LOC128462377: variants seen among roughly 807,000 people sequenced by gnomAD.
At chr16:89,351,741 C>T in the LOC128462377 span, among the ~76,000 whole-genome samples, 11 of 152,304 alleles carry the variant, frequency 7.2e-5, no homozygotes, top group East Asian at 2.1e-3. Flanking sequence ...GCAGAGGCTG[C>T]AGGGGGAACA....
At chr16:89,335,645 A>G in the LOC128462377 span, among the ~76,000 whole-genome samples, 2 of 152,204 alleles carry the variant, frequency 1.3e-5, no homozygotes, top group Non-Finnish European at 2.9e-5. Flanking sequence ...CTGAGGTAAG[A>G]TGACAAGTCT....
the LOC128462377 span, among the ~76,000 whole-genome samples, chr16:89,397,440 C>G: frequency 1.3e-5 from 2 of 152,378 alleles, no homozygotes; most frequent in African/African-American, 4.8e-5. Context: ...CCGTACCACT[C>G]CCTGCCAGCC....
At chr16:89,358,212 C>T in the LOC128462377 span, among the ~76,000 whole-genome samples, 1,224 of 152,356 alleles carry the variant, frequency 8.0e-3, 24 homozygotes, top group African/African-American at 0.028. Flanking sequence ...ACAGCCCCCA[C>T]ACCTCACTCT....
At chr16:89,328,171 CG>C in the LOC128462377 span, among the ~76,000 whole-genome samples, 1 of 152,138 alleles carries the variant, frequency 6.6e-6, no homozygotes, top group Non-Finnish European at 1.5e-5. Context: ...GCACACCAAT[CG>C]GAACAGCTAA....
chr16:89,330,858 C>T, the LOC128462377 span, among the ~76,000 whole-genome samples: 1 of 152,186 alleles, frequency 6.6e-6, no homozygotes, highest in Non-Finnish European at 1.5e-5. Flanking sequence ...CCCCCAGTGG[C>T]TTTTGATTAA....
chr16:89,383,492 G>A, the LOC128462377 span, among the ~76,000 whole-genome samples: 1 of 152,188 alleles, frequency 6.6e-6, no homozygotes, highest in African/African-American at 2.4e-5. Context: ...TCAAAACCTC[G>A]GGGCCATGTC....
chr16:89,372,164 C>T, the LOC128462377 span, among the ~76,000 whole-genome samples: 11 of 152,244 alleles, frequency 7.2e-5, no homozygotes, highest in Non-Finnish European at 1.0e-4. Context: ...GAAGGACCGG[C>T]GCCCACTCCC....
chr16:89,353,858 A>G, the LOC128462377 span, among the ~76,000 whole-genome samples: 3 of 152,334 alleles, frequency 2.0e-5, no homozygotes, highest in Middle Eastern at 6.8e-3. Context: ...CAGCCCTGAG[A>G]CACCCGAAAC....
the LOC128462377 span, among the ~76,000 whole-genome samples, chr16:89,334,186 G>GAA: frequency 3.7e-5 from 5 of 133,416 alleles, no homozygotes; most frequent in Non-Finnish European, 6.4e-5. Context: ...GAGAGAGAGA[G>GAA]AAAGAAAGAA....
chr16:89,417,515 C>T, the LOC128462377 span, among the ~76,000 whole-genome samples: 14 of 152,094 alleles, frequency 9.2e-5, no homozygotes, highest in Admixed American at 2.0e-4. Context: ...AGACTGCTGC[C>T]GCTCCTCTCA....
the LOC128462377 span, among the ~76,000 whole-genome samples, chr16:89,403,925 A>G: frequency 1.4e-4 from 21 of 152,322 alleles, no homozygotes; most frequent in Admixed American, 1.3e-4. Context: ...CTTGTCTCTT[A>G]AAAAAGCAAA....
the LOC128462377 span, among the ~76,000 whole-genome samples, chr16:89,332,925 T>C: frequency 1.3e-5 from 2 of 152,218 alleles, no homozygotes; most frequent in Non-Finnish European, 2.9e-5. Context: ...AGAACGTAGT[T>C]ACAAACTCAA....
the LOC128462377 span, among the ~76,000 whole-genome samples, chr16:89,405,991 T>C: frequency 4.7e-3 from 709 of 151,742 alleles, 6 homozygotes; most frequent in African/African-American, 0.016. Flanking sequence ...ACACCTGCAA[T>C]CTCGGCTACT....
chr16:89,393,314 A>ATT, the LOC128462377 span, among the ~76,000 whole-genome samples: 826 of 139,322 alleles, frequency 5.9e-3, 11 homozygotes, highest in African/African-American at 0.02. Context: ...TTTTATTTTT[A>ATT]TTTTTTTTTT....
the LOC128462377 span, among the ~76,000 whole-genome samples, chr16:89,371,207 T>C: frequency 1.3e-5 from 2 of 152,110 alleles, no homozygotes; most frequent in Non-Finnish European, 2.9e-5. Context: ...CGACTCTCAC[T>C]ACCTCCCAAC....
chr16:89,355,223 A>AC, the LOC128462377 span, among the ~76,000 whole-genome samples: 1 of 152,102 alleles, frequency 6.6e-6, no homozygotes, highest in East Asian at 1.9e-4. Context: ...CAGAGGGCTC[A>AC]CGGAGGGAGG....
the LOC128462377 span, among the ~76,000 whole-genome samples, chr16:89,330,062 C>T: frequency 1.3e-5 from 2 of 151,306 alleles, no homozygotes; most frequent in African/African-American, 2.5e-5. Context: ...TATGTATTCA[C>T]ATTAAATATA....
At chr16:89,395,115 T>C in the LOC128462377 span, among the ~76,000 whole-genome samples, 2 of 152,136 alleles carry the variant, frequency 1.3e-5, no homozygotes, top group Non-Finnish European at 2.9e-5. Flanking sequence ...CAGGACAAGA[T>C]GAAAGAGGGC....
chr16:89,328,572 T>C, the LOC128462377 span, among the ~76,000 whole-genome samples: 1 of 150,524 alleles, frequency 6.6e-6, no homozygotes, highest in Non-Finnish European at 1.5e-5. Flanking sequence ...GCTGAGTGAG[T>C]GGACACACCC....
Sources: allele counts gnomAD v4.1 joint callset (sites outside exome capture counted in the v4.1 genomes callset), GRCh38; gene constraint gnomAD v4.1.1; transcripts MANE v1.5.